The following HEATR5A variants were observed in gnomAD, a reference collection of about 807,000 sequenced individuals.
HEATR5A encodes the protein HEAT repeat-containing protein 5A.
HEATR5A carries 178 observed loss-of-function variants against 218.8 expected under a neutral mutation model. The observed-to-expected ratio is 0.81, with a 90% CI of 0.72 to 0.92. The LOEUF (loss-of-function observed/expected upper bound fraction) is 0.92. Among genes scored for constraint, HEATR5A ranks in the 40% least tolerant of loss-of-function variants. The probability of loss-of-function intolerance (pLI) is 0.00; values close to 1 mark genes in which losing one functional copy is unlikely to be tolerated. For synonymous variants in HEATR5A, 864 were observed against 871.6 expected, an observed-to-expected ratio of 0.99 and a Z score of 0.15; for missense variants, 2,420 against 2,418.9, an observed-to-expected ratio of 1.00 and a Z score of -0.01.
chr14:31,351,544 G>T (rs1485711966), intron 16 of HEATR5A, among the ~76,000 whole-genome samples: 1 of 151,526 alleles, frequency 6.6e-6, no homozygotes, highest in Non-Finnish European at 1.5e-5. Flanking sequence ...TGTGAAAAGT[G>T]CTAAAAAGGT....
intron 26 of HEATR5A, among the ~76,000 whole-genome samples, chr14:31,317,092 C>A (rs1230910602): frequency 6.6e-6 from 1 of 152,080 alleles, no homozygotes; most frequent in East Asian, 1.9e-4. Context: ...AGCAAGAACA[C>A]ACATAGTAAA....
chr14:31,373,592 A>C (rs1902118334), intron 12 of HEATR5A, among the ~76,000 whole-genome samples: 1 of 152,064 alleles, frequency 6.6e-6, no homozygotes. Context: ...CAGCCTCCCA[A>C]AGTGCTGAGA....
intron 16 of HEATR5A, among the ~76,000 whole-genome samples, chr14:31,351,294 C>T (rs1901218481): frequency 6.6e-6 from 1 of 152,078 alleles, no homozygotes; most frequent in Admixed American, 6.6e-5. Flanking sequence ...GAGTTTACGA[C>T]CAGCCTGGGC....
chr14:31,305,214 C>T lies in HEATR5A; in HGVS notation c.4967-37G>A. ...AATAGTGTTTAATACTTTGTGCTTG[C>T]TCTGCTTCTGGTAGATGGCAATTTA... is the stretch of plus-strand genomic sequence containing the variant. On this transcript the variant is annotated intron_variant, in intron 31 of 35. Coordinates refer to ENST00000543095, the MANE Select transcript of HEATR5A (RefSeq NM_015473.4). 1.9e-6 allele frequency: 3 copies of T among 1,590,610 alleles called. No homozygotes were observed. In the South Asian group the frequency reaches 3.5e-5, roughly 18 times the overall value.
chr14:31,330,744 T>C (rs942179820), intron 22 of HEATR5A, among the ~76,000 whole-genome samples: 18 of 151,266 alleles, frequency 1.2e-4, no homozygotes, highest in Non-Finnish European at 2.2e-4. Context: ...TGAGCCAAGA[T>C]TGCGCCACTG....
intron 22 of HEATR5A, among the ~76,000 whole-genome samples, chr14:31,336,914 T>C (rs755868616): frequency 7.9e-5 from 12 of 152,180 alleles, no homozygotes; most frequent in East Asian, 1.9e-4. Context: ...CTAGATGGTA[T>C]AGATTACACA....
At chr14:31,297,606 G>A (rs1899231103) in intron 33 of HEATR5A, 1 of 152,198 alleles carries the variant, frequency 6.6e-6, no homozygotes, top group Non-Finnish European at 1.5e-5. Context: ...CACAGTAGCA[G>A]TGAAAGCAAA....
chr14:31,380,340 A>C, intron 11 of HEATR5A, 127 bp downstream of exon 11: 1 of 597,562 alleles, frequency 1.7e-6, no homozygotes, highest in East Asian at 2.8e-5. Flanking sequence ...TACAAGAAAA[A>C]TGTTTGTGTG....
chr14:31,379,391 C>G (rs2029893200), intron 11 of HEATR5A, among the ~76,000 whole-genome samples: 1 of 152,030 alleles, frequency 6.6e-6, no homozygotes, highest in Non-Finnish European at 1.5e-5. Context: ...GCTGGGACTA[C>G]AGGCATGCAC....
chr14:31,294,003 T>C lies in HEATR5A; in HGVS notation c.5721A>G (p.Glu1907=). The C allele has an allele frequency of 6.2e-7, 1 of 1,605,598 alleles. No individual in the cohort carries two copies. The highest frequency in any genetic ancestry group is 8.5e-7 in the Non-Finnish European group (1 of 1,175,700). Residue 1907 remains glutamate (E), a synonymous_variant, in exon 35 of 36, where the codon GAA becomes GAG. Coordinates refer to ENST00000543095, the MANE Select transcript of HEATR5A (RefSeq NM_015473.4). ...YIYSLASCIM[E]KLQEIDKRKP... ...TTCTCTTGTCTATTTCCTGCAGTTTTTCCATGATACAGGATGCTAAAGAGT... is the reference window on the plus strand; with the variant it reads ...TTCTCTTGTCTATTTCCTGCAGTTTCTCCATGATACAGGATGCTAAAGAGT...
At chr14:31,376,360 AAAGT>A (rs1902228062) in intron 11 of HEATR5A, among the ~76,000 whole-genome samples, 1 of 152,128 alleles carries the variant, frequency 6.6e-6, no homozygotes, top group Non-Finnish European at 1.5e-5. Flanking sequence ...AAAAAAGTAA[AAAGT>A]TAGTTGGGTG....
chr14:31,418,202 C>T (rs1449599667), intron 1 of HEATR5A, among the ~76,000 whole-genome samples: 1 of 152,186 alleles, frequency 6.6e-6, no homozygotes, highest in Non-Finnish European at 1.5e-5. Flanking sequence ...GAGCCAGACC[C>T]TGTCTCGATA....
chr14:31,404,252 T>C (rs1566784249), intron 1 of HEATR5A, among the ~76,000 whole-genome samples: 1 of 152,152 alleles, frequency 6.6e-6, no homozygotes, highest in Non-Finnish European at 1.5e-5. Flanking sequence ...AATAGAAACA[T>C]GTTAATTGGA....
At chr14:31,350,560 C>A (rs2139216928) in intron 17 of HEATR5A, 52 bp downstream of exon 17, 2 of 1,022,838 alleles carry the variant, frequency 2.0e-6, no homozygotes, top group Non-Finnish European at 1.5e-6. Context: ...TCATTGGCTA[C>A]AAATTTTTTA....
At chr14:31,398,634 CTG>C (rs1207070343) in intron 4 of HEATR5A, 37 bp downstream of exon 4, 1 of 1,092,416 alleles carries the variant, frequency 9.2e-7, no homozygotes, top group East Asian at 2.6e-5. Context: ...CAATAAAATG[CTG>C]TCTTTTCATT....
At chr14:31,370,415 C>A (rs560704233) in intron 13 of HEATR5A, among the ~76,000 whole-genome samples, 151 of 152,152 alleles carry the variant, frequency 9.9e-4, no homozygotes, top group African/African-American at 3.6e-3. Flanking sequence ...TAATGAGATA[C>A]CATTTTTTAC....
chr14:31,328,791 A>G (rs1272914544), intron 22 of HEATR5A, among the ~76,000 whole-genome samples: 3 of 152,066 alleles, frequency 2.0e-5, no homozygotes, highest in African/African-American at 7.2e-5. Flanking sequence ...GAGGCAGGAG[A>G]ATCGCTTGAA....
At chr14:31,294,657 T>C (rs1332506273) in intron 34 of HEATR5A, among the ~76,000 whole-genome samples, 1 of 151,996 alleles carries the variant, frequency 6.6e-6, no homozygotes, top group Non-Finnish European at 1.5e-5. Context: ...GTGATCCACC[T>C]GCCTTGGCCT....
At chr14:31,304,831 G>A (rs1337372019) in intron 32 of HEATR5A, 74 bp downstream of exon 32, 14 of 1,442,252 alleles carry the variant, frequency 9.7e-6, no homozygotes, top group Non-Finnish European at 1.2e-5. Context: ...AAAAAGATTA[G>A]CAACTAGACT....
Sources: gnomAD v4.1 joint callset for allele counts (sites outside exome capture counted in the v4.1 genomes callset) on GRCh38, gnomAD v4.1.1 for gene constraint, MANE v1.5 for transcripts, NCBI Gene and HGNC (gene_info 2026-07-23, HGNC 2026-07-21) for gene names.